LGR6: variants seen among roughly 807,000 people sequenced by gnomAD.
The protein encoded by LGR6 is leucine rich repeat containing G protein-coupled receptor 6, also known as leucine-rich repeat-containing G protein-coupled receptor 6.
A neutral mutation model predicts 69.4 loss-of-function variants in LGR6; 45 were observed. The observed-to-expected ratio is 0.65, with a 90% CI of 0.51 to 0.83. The LOEUF (loss-of-function observed/expected upper bound fraction) is 0.83, where lower values mean the gene tolerates loss of function less well. LGR6 is among the 40% of genes least tolerant of loss of function. The pLI is 0.00. For missense variants in LGR6, 1,108 were observed against 1,246.7 expected (o/e 0.89, Z 1.68); for synonymous variants, 538 against 555.0 (o/e 0.97, Z 0.43).
chr1:202,301,244 G>T lies in LGR6; in HGVS notation c.929+9G>T, dbSNP rs1356590108. ...CCTAAACTCCACACACTGTAAGTTG[G>T]CTCCTGAAGGCTGCTGCAGCCTGAA... On this transcript the variant is annotated intron_variant, in intron 9 of 17. Transcript: ENST00000367278. The T allele has an allele frequency of 8.7e-6, 14 of 1,612,240 alleles. No individual in the cohort carries two copies. Among genetic ancestry groups the T allele is most frequent in the Middle Eastern group, 3.3e-4 (2 of 6,058 alleles).
intron 6 of LGR6, among the ~76,000 whole-genome samples, chr1:202,290,450 C>A (rs1181124264): frequency 6.6e-6 from 1 of 152,186 alleles, no homozygotes. Flanking sequence ...TAGAGCCTAG[C>A]CAGGATCCAA....
rs573931965 is a variant in LGR6, at chr1:202,230,105, CTCT to C, written c.356+2103_356+2105del. 2.6e-3 allele frequency among the ~76,000 whole-genome samples: 402 copies of C among 152,192 alleles called. 2 individuals carry two copies. The highest frequency in any genetic ancestry group is 9.6e-3 in the African/African-American group (397 of 41,524). On this transcript the variant is annotated intron_variant, in intron 3 of 17. Transcript: ENST00000367278. ...GGCCTGGGACCCTTATCTGAGTGGC[CTCT>C]TCTTATTTCAGAGGCTGGGCTCTCC...
At chr1:202,199,966 A>G (rs960700209) in intron 1 of LGR6, among the ~76,000 whole-genome samples, 18 of 152,224 alleles carry the variant, frequency 1.2e-4, no homozygotes, top group Non-Finnish European at 2.1e-4. Flanking sequence ...AACTACTGTG[A>G]AAAGGGCCCA....
chr1:202,224,763 C>T (rs977653748), intron 1 of LGR6, among the ~76,000 whole-genome samples: 22 of 152,168 alleles, frequency 1.4e-4, no homozygotes, highest in African/African-American at 5.3e-4. Context: ...TGCTCACCTC[C>T]CTCTCTATGT....
In LGR6 at chr1:202,210,438, A is replaced by AC. The variant is rs546822497; in HGVS notation, c.213-14985_213-14984insC. On this transcript the variant is annotated intron_variant, in intron 1 of 17. Transcript: ENST00000367278. ...GGGAGGTACAGAGCAGAAAAAAAAA[A>AC]AAAAACAAAAACCCTAGGCTGGAGC... 7.8e-4 allele frequency among the ~76,000 whole-genome samples: 119 copies of AC among 151,780 alleles called. 6 individuals are homozygous for AC. The highest frequency in any genetic ancestry group is 4.6e-3 in the South Asian group (22 of 4,786).
At chr1:202,288,450 A>G (rs1276298100) in intron 6 of LGR6, among the ~76,000 whole-genome samples, 2 of 152,206 alleles carry the variant, frequency 1.3e-5, no homozygotes, top group African/African-American at 4.8e-5. Context: ...TACTCAATAA[A>G]TGTTTGGTGA....
chr1:202,244,909 G>A (rs956109416), intron 4 of LGR6, among the ~76,000 whole-genome samples: 1 of 152,220 alleles, frequency 6.6e-6, no homozygotes, highest in South Asian at 2.1e-4. Context: ...CCCACCATGG[G>A]GGCATCTGGC....
intron 2 of LGR6, among the ~76,000 whole-genome samples, chr1:202,226,913 G>A (rs1256657441): frequency 1.3e-5 from 2 of 152,206 alleles, no homozygotes; most frequent in African/African-American, 4.8e-5. Context: ...GCTTAGATGG[G>A]AATGCAAAGC....
chr1:202,278,842 T>C (rs1665790889), intron 5 of LGR6, among the ~76,000 whole-genome samples: 1 of 152,214 alleles, frequency 6.6e-6, no homozygotes, highest in African/African-American at 2.4e-5. Context: ...CGGGCTGCTC[T>C]GCCACATGTG....
intron 6 of LGR6, among the ~76,000 whole-genome samples, chr1:202,284,845 C>A (rs1666280070): frequency 6.6e-6 from 1 of 152,182 alleles, no homozygotes; most frequent in East Asian, 1.9e-4. Flanking sequence ...CAGGATGGAC[C>A]CCGGGGACAA....
chr1:202,257,156 CT>C lies in LGR6; in HGVS notation c.429-19146del, dbSNP rs1663841439. Among the ~76,000 whole-genome samples, 3 of 152,250 alleles carry C rather than the reference CT, an allele frequency of 2.0e-5. No homozygotes were observed. In the South Asian group the frequency reaches 6.2e-4, roughly 32 times the overall value. On this transcript the variant is annotated intron_variant, in intron 4 of 17. Coordinates refer to ENST00000367278, the MANE Select transcript of LGR6 (RefSeq NM_001017403.2). ...TGAAAATGTTTTTCTCCCATTCTGT[CT>C]TTTGTCTTTTTCACTTTCTTTATCA...
At chr1:202,309,201 C>T in intron 15 of LGR6, 25 bp downstream of exon 15, 2 of 1,612,620 alleles carry the variant, frequency 1.2e-6, no homozygotes, top group Non-Finnish European at 1.7e-6. Flanking sequence ...TTCCCCAACA[C>T]CTGGGTAGGC....
At position 202,318,182 on chromosome 1, in the gene LGR6, GGTCAGTTCTCT is replaced by G; in HGVS notation, c.1881_1891del (p.Gln628ValfsTer93). On this transcript the variant is annotated frameshift_variant, in exon 18 of 18. Transcript: ENST00000367278. LOFTEE classifies it low-confidence loss of function (END_TRUNC). ...AGCCTCAGTCGATGCCCTGACCTTT[GGTCAGTTCTCT>G]GAGTACGGAGCCCGCTGGGAGACGG... 1.2e-6 allele frequency: 2 copies of G among 1,613,596 alleles called. No homozygotes were observed. Among genetic ancestry groups the G allele is most frequent in the Non-Finnish European group, 1.7e-6 (2 of 1,180,002 alleles).
In LGR6 at chr1:202,254,529, T is replaced by A. The variant is rs115723332; in HGVS notation, c.428+18536T>A. 8.2e-3 allele frequency among the ~76,000 whole-genome samples: 1,253 copies of A among 152,294 alleles called. 9 individuals are homozygous for A. The highest frequency in any genetic ancestry group is 0.014 in the Non-Finnish European group (967 of 68,012). Reference sequence around the variant, plus strand: ...GAGTGAATGTGGGTCATTCCTTCCATTATGTTTGCATTCTGCAGATCTGTG... The same window carrying A: ...GAGTGAATGTGGGTCATTCCTTCCAATATGTTTGCATTCTGCAGATCTGTG... On this transcript the variant is annotated intron_variant, in intron 4 of 17. Coordinates refer to ENST00000367278, the MANE Select transcript of LGR6 (RefSeq NM_001017403.2).
chr1:202,290,606 C>T (rs776912358), intron 6 of LGR6, among the ~76,000 whole-genome samples: 16 of 152,228 alleles, frequency 1.1e-4, no homozygotes, highest in Non-Finnish European at 2.4e-4. Flanking sequence ...GGCGCGGTGG[C>T]TCACGCCTGT....
At position 202,224,712 on chromosome 1, in the gene LGR6, T is replaced by C. The variant is rs79214730; in HGVS notation, c.213-711T>C. Among the ~76,000 whole-genome samples the C allele has an allele frequency of 2.1e-3, 321 of 152,322 alleles. 2 individuals carry two copies. The highest frequency in any genetic ancestry group is 3.9e-3 in the Non-Finnish European group (266 of 68,032). On this transcript the variant is annotated intron_variant, in intron 1 of 17. Coordinates refer to ENST00000367278, the MANE Select transcript of LGR6 (RefSeq NM_001017403.2). ...GAGAATCTTTTGCTGCCTCGGCTGA[T>C]CTGACAGGAGGTGGAGCTCAGGCGG...
rs115072829 is a variant in LGR6 at position 202,199,271 on chromosome 1, G to A, written c.212+5070G>A. Among the ~76,000 whole-genome samples, 576 of 152,198 alleles carry A rather than the reference G, an allele frequency of 3.8e-3. 6 individuals carry two copies. The highest frequency in any genetic ancestry group is 0.013 in the African/African-American group (552 of 41,530). ...CAGGGTGGGGAAGAGAAGGGTGAAG[G>A]AGGGGTACAGTGACTCCAGGAAGTG... is the stretch of plus-strand genomic sequence containing the variant. On this transcript the variant is annotated intron_variant, in intron 1 of 17. Coordinates refer to ENST00000367278, the MANE Select transcript of LGR6 (RefSeq NM_001017403.2).
At chr1:202,256,875 A>G (rs549763606) in intron 4 of LGR6, among the ~76,000 whole-genome samples, 1 of 152,192 alleles carries the variant, frequency 6.6e-6, no homozygotes, top group East Asian at 1.9e-4. Flanking sequence ...CCTTGCCAAC[A>G]CTTGTTATGT....
intron 1 of LGR6, among the ~76,000 whole-genome samples, chr1:202,224,829 C>T (rs1355539802): frequency 6.6e-6 from 1 of 152,146 alleles, no homozygotes; most frequent in African/African-American, 2.4e-5. Context: ...CTAAGGGAAG[C>T]AAACAGGTAG....
Sources: gnomAD v4.1 joint callset for allele counts (sites outside exome capture counted in the v4.1 genomes callset) on GRCh38, gnomAD v4.1.1 for gene constraint, MANE v1.5 for transcripts, NCBI Gene and HGNC (gene_info 2026-07-23, HGNC 2026-07-21) for gene names.